XKR7: variants seen among roughly 807,000 people sequenced by gnomAD.
The protein encoded by XKR7 is XK related 7.
XKR7 carries 11 observed loss-of-function variants against 42.2 expected under a neutral mutation model. That is an observed-to-expected ratio of 0.26 (90% CI 0.16 to 0.43). The LOEUF is 0.43. Among genes scored for constraint, XKR7 ranks in the 20% least tolerant of loss-of-function variants. The pLI is 1.00. For synonymous variants in XKR7, 346 were observed against 366.4 expected (o/e 0.94, Z 0.64); for missense variants, 710 against 802.2 (o/e 0.89, Z 1.39).
chr20:31,974,483 G>A (rs770709883), intron 1 of XKR7, among the ~76,000 whole-genome samples: 1 of 152,188 alleles, frequency 6.6e-6, no homozygotes, highest in Non-Finnish European at 1.5e-5. Context: ...GGCATGACTT[G>A]TCTGTGCCTT....
chr20:31,998,716 T>C lies in XKR7; in HGVS notation c.*1259T>C, dbSNP rs2064609022. 1 of 142,972 alleles carries C rather than the reference T, an allele frequency of 7.0e-6. No individual in the cohort carries two copies. The highest frequency in any genetic ancestry group is 7.0e-5 in the Admixed American group (1 of 14,336). The allele number at this position is 142,972 out of a possible 1,614,324, so 8.9% of individuals were successfully genotyped here. On this transcript the variant is annotated 3_prime_UTR_variant, in exon 3 of 3. Transcript: ENST00000562532. Reference sequence around the variant, plus strand: ...CCCCTGAGACATTTCAGCTGCCAACTGGTTCCCAGCTGGAAAAAAAAATAG... The same window carrying C: ...CCCCTGAGACATTTCAGCTGCCAACCGGTTCCCAGCTGGAAAAAAAAATAG...
intron 1 of XKR7, among the ~76,000 whole-genome samples, chr20:31,984,635 T>C (rs1036962422): frequency 1.3e-5 from 2 of 152,234 alleles, no homozygotes; most frequent in African/African-American, 2.4e-5. Flanking sequence ...TCACTTACTA[T>C]TGTTGCCTGT....
At position 31,995,715 on chromosome 20, in the gene XKR7, C is replaced by A. The variant is rs536500573; in HGVS notation, c.787+445C>A. ...CCAATCACCATCAGTTTCCAGAGAG[C>A]CTACCCCTTCACTGGGGGGCCCCGG... On this transcript the variant is annotated intron_variant, in intron 2 of 2. Coordinates refer to ENST00000562532, the MANE Select transcript of XKR7 (RefSeq NM_001011718.2). The surrounding 1 kb of genome is among the most constrained non-coding windows in gnomAD (Gnocchi z 4.1). 1.1e-4 allele frequency among the ~76,000 whole-genome samples: 17 copies of A among 151,972 alleles called. No individual in the cohort carries two copies. In the East Asian group the frequency reaches 3.3e-3, roughly 30 times the overall value.
intron 1 of XKR7, chr20:31,970,169 A>G (rs1186301960): frequency 6.6e-6 from 1 of 152,216 alleles, no homozygotes. Flanking sequence ...ACATCCAGGA[A>G]CTAATCTGCA....
chr20:31,987,853 C>A (rs548973647), intron 1 of XKR7, among the ~76,000 whole-genome samples: 63 of 152,314 alleles, frequency 4.1e-4, no homozygotes, highest in Admixed American at 1.3e-3. Flanking sequence ...GACATAGTAT[C>A]TGAGAGACTA....
chr20:31,992,864 G>A (rs1296124518), intron 1 of XKR7, among the ~76,000 whole-genome samples: 3 of 152,130 alleles, frequency 2.0e-5, no homozygotes, highest in Non-Finnish European at 2.9e-5. Flanking sequence ...CACACAGCTG[G>A]TAAGACCAGT....
chr20:31,984,632 C>T (rs1260534904), intron 1 of XKR7, among the ~76,000 whole-genome samples: 1 of 152,240 alleles, frequency 6.6e-6, no homozygotes, highest in Non-Finnish European at 1.5e-5. Flanking sequence ...TCTTCACTTA[C>T]TATTGTTGCC....
chr20:31,981,466 T>G (rs1308817329), intron 1 of XKR7, among the ~76,000 whole-genome samples: 1 of 152,004 alleles, frequency 6.6e-6, no homozygotes, highest in Non-Finnish European at 1.5e-5. Flanking sequence ...CTGAGATGGG[T>G]GGATCACCTG....
At chr20:31,981,330 G>A (rs1600658174) in intron 1 of XKR7, among the ~76,000 whole-genome samples, 1 of 151,398 alleles carries the variant, frequency 6.6e-6, no homozygotes, top group Non-Finnish European at 1.5e-5. Context: ...GAGCTGAGAT[G>A]GCGCCACTGC....
chr20:31,982,318 C>T (rs750856600), intron 1 of XKR7, among the ~76,000 whole-genome samples: 3 of 151,892 alleles, frequency 2.0e-5, no homozygotes, highest in Non-Finnish European at 4.4e-5. Flanking sequence ...GTCAGGAGTT[C>T]GAGACCAGCC....
rs763834533 is a variant in XKR7, at chr20:31,996,635, C to A, written c.918C>A (p.His306Gln). The A allele has an allele frequency of 6.3e-7, 1 of 1,588,136 alleles. No homozygotes were observed. The highest frequency in any genetic ancestry group is 8.6e-7 in the Non-Finnish European group (1 of 1,165,592). Residue 306 changes from histidine to glutamine, a missense_variant, in exon 3 of 3, where the codon CAC becomes CAA. His to Gln is a conservative substitution (Grantham distance 24). Around this residue, in one of 2 missense-constraint regions of XKR7, gnomAD observed 708 missense variants for 786.2 expected, o/e 0.90. Coordinates refer to ENST00000562532, the MANE Select transcript of XKR7 (RefSeq NM_001011718.2). The part of the protein sequence containing the change: ...YKGAVAQVLW[H>Q]LFSIAARGLA... ...GCGCCGTGGCACAGGTGCTGTGGCA[C>A]CTGTTCAGCATTGCCGCCCGCGGCC...
chr20:31,989,984 T>C (rs1269937905), intron 1 of XKR7, among the ~76,000 whole-genome samples: 1 of 152,146 alleles, frequency 6.6e-6, no homozygotes, highest in Non-Finnish European at 1.5e-5. Context: ...GGTGTGGTGT[T>C]CTTCCCTTGG....
At position 31,968,585 on chromosome 20, in the gene XKR7, C is replaced by G. The variant is rs906075379; in HGVS notation, c.410C>G (p.Ala137Gly). The G allele has an allele frequency of 1.2e-6, 2 of 1,609,252 alleles. No individual in the cohort carries two copies. Residue 137 changes from alanine (A) to glycine (G), a missense_variant, in exon 1 of 3, where the codon GCC becomes GGC. By Grantham distance (60) the Ala-to-Gly change is moderately conservative. Coordinates refer to ENST00000562532, the MANE Select transcript of XKR7 (RefSeq NM_001011718.2). This position sits in a 1 kb window ranked among gnomAD's most constrained non-coding sequence, Gnocchi z 4.5. ...ACCAAGGACAGCGTAGCCGGCGGAG[C>G]CGCCATCAGCACCAAGGACAGCGCC... is the stretch of plus-strand genomic sequence containing the variant. ...VSTKDSVAGGAAISTKDSAGA... is the reference protein window; with the variant it reads ...VSTKDSVAGGGAISTKDSAGA...
At chr20:31,994,325 A>G (rs1380211294) in intron 1 of XKR7, among the ~76,000 whole-genome samples, 1 of 152,226 alleles carries the variant, frequency 6.6e-6, no homozygotes, top group Non-Finnish European at 1.5e-5. Context: ...CTGAGGCCAG[A>G]ATGGCTGGGT....
intron 1 of XKR7, among the ~76,000 whole-genome samples, chr20:31,990,570 G>C (rs949593906): frequency 6.6e-6 from 1 of 152,154 alleles, no homozygotes; most frequent in Admixed American, 6.5e-5. Context: ...TGCATGTCCT[G>C]GGCAGGACTG....
chr20:31,989,460 G>T (rs1268375271), intron 1 of XKR7, among the ~76,000 whole-genome samples: 1 of 152,172 alleles, frequency 6.6e-6, no homozygotes, highest in Non-Finnish European at 1.5e-5. Context: ...TGATCTGACA[G>T]GTTTTAAAAA....
chr20:31,968,593 A>G lies in XKR7; in HGVS notation c.418A>G (p.Ser140Gly). 6.2e-7 allele frequency: 1 copy of G among 1,609,082 alleles called. No homozygotes were observed. The highest frequency in any genetic ancestry group is 8.5e-7 in the Non-Finnish European group (1 of 1,179,052). ...CAGCGTAGCCGGCGGAGCCGCCATCAGCACCAAGGACAGCGCCGGCGCCTT... is the reference window on the plus strand; with the variant it reads ...CAGCGTAGCCGGCGGAGCCGCCATCGGCACCAAGGACAGCGCCGGCGCCTT... ...KDSVAGGAAI[S>G]TKDSAGAFRT... The change falls in exon 1 of 3, where the codon AGC becomes GGC. Residue 140 changes from serine to glycine, a missense_variant. Physicochemically the swap from Ser to Gly is moderately conservative, Grantham distance 56. This residue lies in a region of XKR7 where 708 missense variants were observed against 786.2 expected (regional missense o/e 0.90). Coordinates refer to ENST00000562532, the MANE Select transcript of XKR7 (RefSeq NM_001011718.2). This position sits in a 1 kb window ranked among gnomAD's most constrained non-coding sequence, Gnocchi z 4.5.
intron 1 of XKR7, among the ~76,000 whole-genome samples, chr20:31,978,027 A>G (rs1301777441): frequency 6.6e-6 from 1 of 152,210 alleles, no homozygotes; most frequent in Non-Finnish European, 1.5e-5. Flanking sequence ...CACAGGTTGC[A>G]AATCAGTGGC....
chr20:31,996,356 A>C, intron 2 of XKR7, 149 bp from the exon 3 acceptor site: 3 of 577,582 alleles, frequency 5.2e-6, no homozygotes. Context: ...CACCTCCCAG[A>C]CCTTCCCCAC....
Sources: gnomAD v4.1 joint callset for allele counts (sites outside exome capture counted in the v4.1 genomes callset) on GRCh38, gnomAD v4.1.1 for gene constraint, gnomAD v4.1.1 regional missense constraint, Gnocchi (gnomAD v3.1) non-coding constraint, MANE v1.5 for transcripts, NCBI Gene and HGNC (gene_info 2026-07-23, HGNC 2026-07-21) for gene names.